The following PCDHGA4 variants were observed in gnomAD, a reference collection of about 807,000 sequenced individuals.
The protein encoded by PCDHGA4 is protocadherin gamma subfamily A, 4.
In PCDHGA4, 38 loss-of-function variants were observed where a neutral mutation model predicts 54.6. The ratio of observed to expected loss-of-function variants is 0.70; its 90% confidence interval spans 0.54 to 0.91. The LOEUF is 0.91. Ranked by LOEUF, PCDHGA4 falls within the 40% of genes least tolerant of loss-of-function variation. The probability of loss-of-function intolerance (pLI) is 0.00; values close to 1 mark genes in which losing one functional copy is unlikely to be tolerated. For synonymous variants in PCDHGA4, 511 were observed against 512.9 expected (o/e 1.00, Z 0.05); for missense variants, 1,298 against 1,220.9 (o/e 1.06, Z -0.94).
At chr5:141,409,898 G>A in intron 1 of PCDHGA4, 1 of 1,613,240 alleles carries the variant, frequency 6.2e-7, no homozygotes, top group Non-Finnish European at 8.5e-7. Flanking sequence ...GCTGTACCCA[G>A]CTCTGGGTCC....
At chr5:141,448,948 A>AAAAC (rs1237948751) in intron 1 of PCDHGA4, among the ~76,000 whole-genome samples, 2 of 152,170 alleles carry the variant, frequency 1.3e-5, no homozygotes, top group African/African-American at 2.4e-5. Flanking sequence ...GCAACTCAAA[A>AAAAC]AAACAAACAA....
At chr5:141,422,100 A>G (rs1019775470) in intron 1 of PCDHGA4, 2 of 1,609,786 alleles carry the variant, frequency 1.2e-6, no homozygotes, top group Non-Finnish European at 1.7e-6. Context: ...AGGCTTCTGA[A>G]ATATTCCAAT....
intron 1 of PCDHGA4, chr5:141,440,868 T>G (rs1288344051): frequency 3.9e-5 from 6 of 152,150 alleles, no homozygotes; most frequent in Non-Finnish European, 1.5e-5. Context: ...ATCTAGGATG[T>G]GTACAGCGTC....
chr5:141,417,792 T>C, intron 1 of PCDHGA4: 1 of 1,483,216 alleles, frequency 6.7e-7, no homozygotes, highest in South Asian at 1.4e-5. Flanking sequence ...CCGAATGCTC[T>C]TTTAGCGCGG....
rs760575047 is a variant in PCDHGA4 at position 141,493,887 on chromosome 5, G to A, written c.2515-920G>A. Among the ~76,000 whole-genome samples the A allele has an allele frequency of 1.3e-5, 2 of 152,184 alleles. No individual in the cohort carries two copies. The highest frequency in any genetic ancestry group is 2.4e-5 in the African/African-American group (1 of 41,448). On this transcript the variant is annotated intron_variant, in intron 1 of 3. Coordinates refer to ENST00000571252, the MANE Select transcript of PCDHGA4 (RefSeq NM_018917.4). The surrounding 1 kb of genome is among the most constrained non-coding windows in gnomAD (Gnocchi z 4.3). Reference sequence around the variant, plus strand: ...AGAACCAGTGAGGAGGTGGCTCTAGGAGTGCTCCATGAGAGTGTGTGATGG... The same window carrying A: ...AGAACCAGTGAGGAGGTGGCTCTAGAAGTGCTCCATGAGAGTGTGTGATGG...
chr5:141,400,645 G>A, intron 1 of PCDHGA4: 1 of 1,239,756 alleles, frequency 8.1e-7, no homozygotes, highest in Non-Finnish European at 1.2e-6. Context: ...TGCTCAGAAA[G>A]CTGTCCTACC....
At chr5:141,392,654 A>G (rs2092571814) in intron 1 of PCDHGA4, 1 of 734,690 alleles carries the variant, frequency 1.4e-6, no homozygotes, top group Admixed American at 3.4e-5. Flanking sequence ...AGACCCGCAG[A>G]TGCCACAAAC....
At chr5:141,468,960 T>TC (rs1562019766) in intron 1 of PCDHGA4, among the ~76,000 whole-genome samples, 1 of 151,348 alleles carries the variant, frequency 6.6e-6, no homozygotes, top group African/African-American at 2.4e-5. Flanking sequence ...TGGTTTTTTT[T>TC]ACCTTAGGCT....
intron 1 of PCDHGA4, chr5:141,372,682 C>A (rs1169357229): frequency 1.9e-6 from 3 of 1,614,010 alleles, no homozygotes; most frequent in Non-Finnish European, 2.5e-6. Flanking sequence ...TCCTCAAACA[C>A]CGAGTTTAAA....
rs747049833 is a variant in PCDHGA4 at position 141,372,558 on chromosome 5, G to T, written c.2514+14937G>T. 2.5e-6 allele frequency: 4 copies of T among 1,614,002 alleles called. No individual in the cohort carries two copies. In the South Asian group the frequency reaches 4.4e-5, roughly 18 times the overall value. ...GCGCCTGCGATGCTCCTCCAGACCC[G>T]CCACTGAGGGCTACTTTCAGCCTGG... On this transcript the variant is annotated intron_variant, in intron 1 of 3. Transcript: ENST00000571252.
At chr5:141,366,305 A>C in intron 1 of PCDHGA4, 2 of 1,613,708 alleles carry the variant, frequency 1.2e-6, no homozygotes, top group South Asian at 1.1e-5. Flanking sequence ...AGCCACCTTC[A>C]CGGTCACCGT....
At chr5:141,360,409 C>G (rs890064560) in intron 1 of PCDHGA4, 6 of 1,613,722 alleles carry the variant, frequency 3.7e-6, no homozygotes, top group African/African-American at 1.3e-5. Context: ...CAGAATAGAC[C>G]GAGAACAGAT....
At chr5:141,390,646 C>G (rs2092199925) in intron 1 of PCDHGA4, 1 of 218,218 alleles carries the variant, frequency 4.6e-6, no homozygotes, top group Non-Finnish European at 9.0e-6. Flanking sequence ...CTTTTTTCAG[C>G]TTGGATATAC....
chr5:141,498,684 C>T (rs1255085852), intron 2 of PCDHGA4, among the ~76,000 whole-genome samples: 1 of 152,192 alleles, frequency 6.6e-6, no homozygotes, highest in South Asian at 2.1e-4. Flanking sequence ...GTAATCCCAG[C>T]ACTTTGGGAG....
intron 1 of PCDHGA4, chr5:141,365,087 G>A (rs771010337): frequency 1.2e-6 from 2 of 1,613,854 alleles, no homozygotes; most frequent in Non-Finnish European, 1.7e-6. Context: ...GAGTGTTCCA[G>A]AGAACATACC....
intron 1 of PCDHGA4, chr5:141,392,496 T>C (rs1357893523): frequency 4.6e-6 from 1 of 215,562 alleles, no homozygotes; most frequent in Non-Finnish European, 9.1e-6. Context: ...AATAAGCAAA[T>C]GATTTTTTTT....
chr5:141,477,884 G>A lies in PCDHGA4; in HGVS notation c.2515-16923G>A. On this transcript the variant is annotated intron_variant, in intron 1 of 3. Transcript: ENST00000571252. The surrounding 1 kb of genome is among the most constrained non-coding windows in gnomAD (Gnocchi z 4.9). ...TCGAGGTACCTCAGCTGGCCACCTA[G>A]TGTCACGGGTGGTAGGCTGGGACGC... 6.2e-7 allele frequency: 1 copy of A among 1,614,190 alleles called. No homozygotes were observed. The highest frequency in any genetic ancestry group is 8.5e-7 in the Non-Finnish European group (1 of 1,180,036).
Position 141,356,754 on chromosome 5 carries a change from C to G in PCDHGA4, c.1647C>G (p.Cys549Trp). 3 of 1,613,966 alleles carry G rather than the reference C, an allele frequency of 1.9e-6. No homozygotes were observed. The highest frequency in any genetic ancestry group is 1.7e-6 in the Non-Finnish European group (2 of 1,179,844). ...ATACAGGGATCCTATATGCTCTTTG[C>G]TCCTTCGACTATGAGCAGTTTAGAG... ...NSNTGILYAL[C>W]SFDYEQFRDL... Residue 549 changes from cysteine (C) to tryptophan (W), a missense_variant, in exon 1 of 4, where the codon TGC becomes TGG. By Grantham distance (215) the Cys-to-Trp change is radical (BLOSUM62 -2). Transcript: ENST00000571252.
chr5:141,412,973 C>G, intron 1 of PCDHGA4: 1 of 528,318 alleles, frequency 1.9e-6, no homozygotes, highest in Non-Finnish European at 3.3e-6. Flanking sequence ...GGAGAGAAAA[C>G]GCAGCCAGAG....
Sources: allele counts gnomAD v4.1 joint callset (sites outside exome capture counted in the v4.1 genomes callset), GRCh38; gene constraint gnomAD v4.1.1; non-coding constraint Gnocchi (gnomAD v3.1); transcripts MANE v1.5; gene names NCBI Gene and HGNC (gene_info 2026-07-23, HGNC 2026-07-21).